NRG3: variants seen among roughly 807,000 people sequenced by gnomAD.
The protein encoded by NRG3 is pro-neuregulin-3, membrane-bound isoform.
A neutral mutation model predicts 66.9 loss-of-function variants in NRG3; 31 were observed. The observed-to-expected ratio is 0.46, with a 90% confidence interval of 0.35 to 0.63. The LOEUF is 0.63. Among genes scored for constraint, NRG3 ranks in the 20% least tolerant of loss-of-function variants. The pLI is 0.00. For synonymous variants in NRG3, 393 were observed against 359.4 expected (o/e 1.09, Z -1.06); for missense variants, 910 against 878.9 (o/e 1.04, Z -0.45).
intron 2 of NRG3, among the ~76,000 whole-genome samples, chr10:82,720,805 T>TTATA (rs1363560030): frequency 1.4e-4 from 9 of 63,496 alleles, no homozygotes; most frequent in African/African-American, 6.5e-4. Context: ...TAGGAGTATT[T>TTATA]TATACATATA....
chr10:81,966,146 A>C (rs1266752581), intron 1 of NRG3, among the ~76,000 whole-genome samples: 1 of 151,842 alleles, frequency 6.6e-6, no homozygotes, highest in Non-Finnish European at 1.5e-5. Context: ...AAGGTAATTT[A>C]CTTTTTATAT....
In NRG3 at chr10:82,359,272, G is replaced by A. The variant is rs147518462; in HGVS notation, c.953+404G>A. The stretch of plus-strand genomic sequence containing the variant: ...AAGCAAACTGCTCATCTAAGATCTA[G>A]AATCTCAGTGTTTATTGTGAACCAA... On this transcript the variant is annotated intron_variant, in intron 2 of 8. Coordinates refer to ENST00000372141, the MANE Select transcript of NRG3 (RefSeq NM_001010848.4). 4.7e-3 allele frequency among the ~76,000 whole-genome samples: 721 copies of A among 152,286 alleles called. 5 individuals are homozygous for A. Among genetic ancestry groups the A allele is most frequent in the African/African-American group, 0.017 (691 of 41,546 alleles).
intron 1 of NRG3, among the ~76,000 whole-genome samples, chr10:82,095,322 C>T (rs2066272831): frequency 6.6e-6 from 1 of 151,438 alleles, no homozygotes; most frequent in Admixed American, 6.6e-5. Flanking sequence ...ATGAGAGAAG[C>T]ATTTTATTTG....
At chr10:82,823,043 T>G (rs1348450509) in intron 3 of NRG3, among the ~76,000 whole-genome samples, 1 of 152,204 alleles carries the variant, frequency 6.6e-6, no homozygotes, top group Non-Finnish European at 1.5e-5. Flanking sequence ...TTACTTTTCC[T>G]TCTTCTGCCA....
chr10:82,675,308 T>A (rs569090123), intron 2 of NRG3, among the ~76,000 whole-genome samples: 2 of 152,042 alleles, frequency 1.3e-5, no homozygotes, highest in African/African-American at 4.8e-5. Context: ...GGCTAGACAA[T>A]GGTTGTTTGT....
intron 2 of NRG3, among the ~76,000 whole-genome samples, chr10:82,656,380 C>A (rs1472582244): frequency 1.4e-5 from 2 of 145,076 alleles, no homozygotes; most frequent in Non-Finnish European, 3.0e-5. Flanking sequence ...ATGATTGCAT[C>A]AAATAAATAC....
chr10:82,131,013 G>T (rs1294507158), intron 1 of NRG3, among the ~76,000 whole-genome samples: 1 of 152,046 alleles, frequency 6.6e-6, no homozygotes, highest in Non-Finnish European at 1.5e-5. Context: ...TTTGTTGATT[G>T]TTTTCTTTGC....
At chr10:82,845,273 A>G (rs930474082) in intron 3 of NRG3, among the ~76,000 whole-genome samples, 14 of 152,246 alleles carry the variant, frequency 9.2e-5, no homozygotes, top group African/African-American at 2.9e-4. Flanking sequence ...ATCAATACAC[A>G]TTAACTATCT....
At chr10:82,091,065 T>A (rs2065997019) in intron 1 of NRG3, among the ~76,000 whole-genome samples, 1 of 143,614 alleles carries the variant, frequency 7.0e-6, no homozygotes, top group Admixed American at 6.7e-5. Flanking sequence ...ACTAGTTTGT[T>A]TTTTTTTTAA....
chr10:82,861,242 T>A (rs1195375579), intron 3 of NRG3, among the ~76,000 whole-genome samples: 1 of 152,130 alleles, frequency 6.6e-6, no homozygotes, highest in Non-Finnish European at 1.5e-5. Flanking sequence ...TTTATTTGTA[T>A]GTCCAGTGGT....
intron 2 of NRG3, among the ~76,000 whole-genome samples, chr10:82,531,017 A>G (rs965952634): frequency 6.6e-6 from 1 of 151,984 alleles, no homozygotes; most frequent in African/African-American, 2.4e-5. Flanking sequence ...TTATGAAAAT[A>G]TTTGGACTGA....
intron 2 of NRG3, among the ~76,000 whole-genome samples, chr10:82,425,964 G>A (rs1388784060): frequency 2.0e-5 from 3 of 152,146 alleles, no homozygotes; most frequent in Non-Finnish European, 4.4e-5. Flanking sequence ...GAACCTTTTA[G>A]TGAACATGTG....
intron 1 of NRG3, among the ~76,000 whole-genome samples, chr10:82,175,073 C>G (rs957141855): frequency 2.6e-5 from 4 of 152,112 alleles, no homozygotes; most frequent in Non-Finnish European, 5.9e-5. Context: ...CTTCTTGTTT[C>G]CTTTGTTTCT....
At chr10:82,659,436 G>C (rs2052141355) in intron 2 of NRG3, among the ~76,000 whole-genome samples, 2 of 152,188 alleles carry the variant, frequency 1.3e-5, no homozygotes, top group South Asian at 2.1e-4. Flanking sequence ...TTGATAATTT[G>C]AGGTCAGGAG....
intron 8 of NRG3, among the ~76,000 whole-genome samples, chr10:82,979,632 G>T (rs2132652380): frequency 6.6e-6 from 1 of 152,224 alleles, no homozygotes; most frequent in African/African-American, 2.4e-5. Context: ...GCAAGTTAGG[G>T]GTAGACGGGT....
At chr10:82,619,524 T>C (rs751121421) in intron 2 of NRG3, among the ~76,000 whole-genome samples, 33 of 152,206 alleles carry the variant, frequency 2.2e-4, no homozygotes, top group Non-Finnish European at 2.8e-4. Context: ...ATTTCAGATA[T>C]TCAAGGGCTT....
intron 3 of NRG3, among the ~76,000 whole-genome samples, chr10:82,847,818 T>C (rs888373170): frequency 1.3e-5 from 2 of 152,218 alleles, no homozygotes; most frequent in African/African-American, 4.8e-5. Context: ...TAAGAAATTG[T>C]ATTTTAAGCT....
At chr10:82,935,301 T>C (rs574852260) in intron 4 of NRG3, among the ~76,000 whole-genome samples, 2 of 152,308 alleles carry the variant, frequency 1.3e-5, no homozygotes, top group African/African-American at 4.8e-5. Context: ...TTCATTTCTT[T>C]CATATGATTT....
chr10:82,676,396 G>A (rs2053685801), intron 2 of NRG3, among the ~76,000 whole-genome samples: 1 of 152,084 alleles, frequency 6.6e-6, no homozygotes, highest in Non-Finnish European at 1.5e-5. Context: ...GGACATCAGG[G>A]GACCGCCCCC....
Sources: gnomAD v4.1 joint callset for allele counts (sites outside exome capture counted in the v4.1 genomes callset) on GRCh38, gnomAD v4.1.1 for gene constraint, MANE v1.5 for transcripts, NCBI Gene and HGNC (gene_info 2026-07-23, HGNC 2026-07-21) for gene names.